The following NDUFA5 variants were observed in gnomAD, a reference collection of about 807,000 sequenced individuals.
The protein encoded by NDUFA5 is NADH:ubiquinone oxidoreductase subunit A5, also known as NADH dehydrogenase [ubiquinone] 1 alpha subcomplex subunit 5.
Under a neutral mutation model 19.8 loss-of-function variants are expected in NDUFA5, and 11 were observed. The ratio of observed to expected loss-of-function variants is 0.56; its 90% CI spans 0.35 to 0.92. The LOEUF (loss-of-function observed/expected upper bound fraction) is 0.92. Ranked by LOEUF, NDUFA5 falls within the 40% of genes least tolerant of loss-of-function variation. The probability of loss-of-function intolerance (pLI) is 0.01; values close to 1 mark genes in which losing one functional copy is unlikely to be tolerated. For missense variants in NDUFA5, 109 were observed against 134.2 expected (o/e 0.81, Z 0.93); for synonymous variants, 47 against 46.8 (o/e 1.00, Z -0.01).
the NDUFA5 span, among the ~76,000 whole-genome samples, chr7:123,591,427 G>T: frequency 1.3e-5 from 2 of 152,118 alleles, no homozygotes; most frequent in African/African-American, 4.8e-5. Flanking sequence ...TAACATATTG[G>T]CTGTGGGTTT....
At chr7:123,547,808 G>A (rs555233357) in intron 3 of NDUFA5, among the ~76,000 whole-genome samples, 1 of 152,128 alleles carries the variant, frequency 6.6e-6, no homozygotes, top group Non-Finnish European at 1.5e-5. Context: ...GTGATTTTTA[G>A]TCACCAATGG....
chr7:123,550,192 A>G (rs984027889), intron 3 of NDUFA5: 1 of 256,852 alleles, frequency 3.9e-6, no homozygotes, highest in Admixed American at 5.8e-5. Flanking sequence ...CAAAAGATCA[A>G]TAAAGGACTA....
At chr7:123,579,286 T>C in the NDUFA5 span, among the ~76,000 whole-genome samples, 1 of 152,014 alleles carries the variant, frequency 6.6e-6, no homozygotes, top group Non-Finnish European at 1.5e-5. Context: ...ACATTTTCTT[T>C]ATAAGTGTAA....
chr7:123,562,937 A>G, the NDUFA5 span, among the ~76,000 whole-genome samples: 1 of 151,446 alleles, frequency 6.6e-6, no homozygotes, highest in Admixed American at 6.6e-5. Context: ...AACTAGGATT[A>G]CAGGCAGGCA....
chr7:123,562,723 G>A (rs147283173), upstream of NDUFA5, among the ~76,000 whole-genome samples: 11 of 151,866 alleles, frequency 7.2e-5, no homozygotes, highest in Non-Finnish European at 1.3e-4. Flanking sequence ...TGGATGGCCT[G>A]GTCTATCCAG....
At chr7:123,562,446 T>A (rs545101385), upstream of NDUFA5, among the ~76,000 whole-genome samples, 1 of 152,346 alleles carries the variant, frequency 6.6e-6, no homozygotes, top group East Asian at 1.9e-4. Flanking sequence ...CATCTACATT[T>A]TTAAAAATCT....
chr7:123,562,562 C>T (rs1159722616), upstream of NDUFA5, among the ~76,000 whole-genome samples: 2 of 152,292 alleles, frequency 1.3e-5, no homozygotes, highest in Admixed American at 6.5e-5. Flanking sequence ...TTTTATGTTA[C>T]GAAAATGGCT....
At chr7:123,546,506 A>G (rs532394336) in intron 3 of NDUFA5, among the ~76,000 whole-genome samples, 3 of 152,166 alleles carry the variant, frequency 2.0e-5, no homozygotes, top group Non-Finnish European at 4.4e-5. Flanking sequence ...AGTACCTAGA[A>G]CATTCAATGA....
chr7:123,576,449 T>C, the NDUFA5 span, among the ~76,000 whole-genome samples: 1 of 152,154 alleles, frequency 6.6e-6, no homozygotes, highest in South Asian at 2.1e-4. Context: ...GTTTTGCTTT[T>C]TTCTATATTT....
chr7:123,586,931 C>T, the NDUFA5 span, among the ~76,000 whole-genome samples: 149,221 of 151,788 alleles, frequency 0.98, 73,407 homozygotes, highest in East Asian at 1. Context: ...ACTATATTGT[C>T]TTGTTTACTA....
the NDUFA5 span, among the ~76,000 whole-genome samples, chr7:123,578,943 T>C: frequency 6.6e-6 from 1 of 152,112 alleles, no homozygotes; most frequent in African/African-American, 2.4e-5. Flanking sequence ...GTGGTACATA[T>C]GCAGGTTTGT....
At chr7:123,599,246 C>T in the NDUFA5 span, among the ~76,000 whole-genome samples, 1 of 150,954 alleles carries the variant, frequency 6.6e-6, no homozygotes, top group African/African-American at 2.4e-5. Context: ...AAAACAACAA[C>T]AAAAAAGAAT....
intron 3 of NDUFA5, among the ~76,000 whole-genome samples, chr7:123,547,028 T>C (rs1043366919): frequency 1.3e-5 from 2 of 152,092 alleles, no homozygotes; most frequent in African/African-American, 4.8e-5. Context: ...GAAAAGGTAA[T>C]GTAACCACAA....
At chr7:123,551,511 A>G (rs1798339237) in intron 2 of NDUFA5, 3 of 977,386 alleles carry the variant, frequency 3.1e-6, no homozygotes, top group Non-Finnish European at 3.6e-6. Context: ...AGCCTGAATC[A>G]GTATTTTTCA....
the NDUFA5 span, among the ~76,000 whole-genome samples, chr7:123,587,347 T>G: frequency 6.6e-6 from 1 of 151,818 alleles, no homozygotes; most frequent in Non-Finnish European, 1.5e-5. Flanking sequence ...TTCTGATATT[T>G]TATTGTTAGT....
At chr7:123,559,012 G>GA (rs1018466197), upstream of NDUFA5, among the ~76,000 whole-genome samples, 2 of 151,814 alleles carry the variant, frequency 1.3e-5, no homozygotes, top group African/African-American at 4.8e-5. Context: ...TATCAATAAA[G>GA]AAAATCAATG....
In NDUFA5 at chr7:123,539,053, G is replaced by A. The variant is rs1008426314; in HGVS notation, c.*3066C>T. ...AAAGGAGGGGGAGGGGAGAATGAGG[G>A]AGAGTGAAAGGATACAATAAAACTT... On this transcript the variant is annotated 3_prime_UTR_variant, in exon 5 of 5. Coordinates refer to ENST00000355749, the MANE Select transcript of NDUFA5 (RefSeq NM_005000.5). The A allele has an allele frequency of 7.9e-5, 12 of 152,206 alleles. No individual in the cohort carries two copies. Among genetic ancestry groups the A allele is most frequent in the African/African-American group, 2.7e-4 (11 of 41,446 alleles). 9.4% of individuals were successfully genotyped at this position (152,206 alleles called of 1,614,324 possible).
At chr7:123,572,914 C>G in the NDUFA5 span, among the ~76,000 whole-genome samples, 2 of 151,112 alleles carry the variant, frequency 1.3e-5, no homozygotes, top group African/African-American at 2.4e-5. Flanking sequence ...TTTCTTTTTT[C>G]TCTTTTTTGT....
the NDUFA5 span, among the ~76,000 whole-genome samples, chr7:123,578,927 A>T: frequency 2.6e-5 from 4 of 151,934 alleles, no homozygotes; most frequent in Admixed American, 1.3e-4. Flanking sequence ...TTTATTTTAG[A>T]TTCGGGTGGT....
Sources: allele counts gnomAD v4.1 joint callset (sites outside exome capture counted in the v4.1 genomes callset), GRCh38; gene constraint gnomAD v4.1.1; transcripts MANE v1.5; gene names NCBI Gene and HGNC (gene_info 2026-07-23, HGNC 2026-07-21).